The following IRAG1 variants were observed in gnomAD, a reference collection of about 807,000 sequenced individuals.
IRAG1 encodes the protein IP3R-associated cGMP kinase substrate.
In IRAG1, 62 loss-of-function variants were observed where a neutral mutation model predicts 106.2. The observed-to-expected ratio is 0.58, with a 90% confidence interval of 0.48 to 0.72. The LOEUF (loss-of-function observed/expected upper bound fraction) is 0.72. IRAG1 is among the 30% of genes least tolerant of loss of function. IRAG1 has a pLI of 0.00. For missense variants in IRAG1, 1,064 were observed against 1,140.7 expected (o/e 0.93, Z 0.97); for synonymous variants, 462 against 443.9 (o/e 1.04, Z -0.51).
chr11:10,690,040 G>A (rs776423262), intron 1 of IRAG1, among the ~76,000 whole-genome samples: 1 of 152,142 alleles, frequency 6.6e-6, no homozygotes, highest in Non-Finnish European at 1.5e-5. Flanking sequence ...AAAGTAACCA[G>A]AGCTGATTAA....
chr11:10,611,270 C>T (rs189146150), intron 10 of IRAG1, among the ~76,000 whole-genome samples: 179 of 152,246 alleles, frequency 1.2e-3, no homozygotes, highest in African/African-American at 4.1e-3. Flanking sequence ...CTACCTGTTA[C>T]CTCTCTGGTT....
At chr11:10,661,929 C>T (rs1194940344) in intron 1 of IRAG1, among the ~76,000 whole-genome samples, 1 of 152,134 alleles carries the variant, frequency 6.6e-6, no homozygotes, top group African/African-American at 2.4e-5. Flanking sequence ...GAACTCAACC[C>T]AACTAGAATT....
At chr11:10,688,348 C>T (rs1221863731) in intron 1 of IRAG1, among the ~76,000 whole-genome samples, 1 of 152,162 alleles carries the variant, frequency 6.6e-6, no homozygotes, top group Non-Finnish European at 1.5e-5. Context: ...ACACTGAGCC[C>T]ACCTCCTGAC....
intron 2 of IRAG1, among the ~76,000 whole-genome samples, chr11:10,639,831 A>C (rs764252688): frequency 6.6e-5 from 10 of 152,178 alleles, no homozygotes; most frequent in Admixed American, 1.3e-4. Context: ...TGGAGAAGAG[A>C]GGGGCACTGG....
intron 10 of IRAG1, among the ~76,000 whole-genome samples, chr11:10,620,190 T>C (rs1323108500): frequency 6.6e-6 from 1 of 152,096 alleles, no homozygotes; most frequent in Non-Finnish European, 1.5e-5. Context: ...AGAAAAAAAG[T>C]GGAAATATTA....
chr11:10,581,111 G>A (rs1312540370), intron 19 of IRAG1, among the ~76,000 whole-genome samples: 2 of 152,130 alleles, frequency 1.3e-5, no homozygotes, highest in African/African-American at 4.8e-5. Context: ...AGAAAGGCAC[G>A]CTTTCAAAGA....
chr11:10,594,790 G>A (rs1003845515), intron 15 of IRAG1, among the ~76,000 whole-genome samples: 1 of 152,162 alleles, frequency 6.6e-6, no homozygotes, highest in Non-Finnish European at 1.5e-5. Flanking sequence ...TATGTGCAGA[G>A]AAAGGTATTT....
intron 20 of IRAG1, among the ~76,000 whole-genome samples, chr11:10,579,164 C>A (rs533483720): frequency 6.6e-6 from 1 of 152,332 alleles, no homozygotes; most frequent in East Asian, 1.9e-4. Context: ...TTCTCCAGTT[C>A]TCCTAACGGC....
rs184252284 is a variant in IRAG1, at chr11:10,576,478, A to C, written c.2593T>G (p.Leu865Val). 7.4e-6 allele frequency: 12 copies of C among 1,614,054 alleles called. No individual in the cohort carries two copies. In the East Asian group the frequency reaches 2.7e-4, roughly 36 times the overall value. ...IWMMAAVMLV[L>V]TVVLGLYNSY... ...TTGTAGAGCCCCAGCACAACAGTCAAGACCAGCATCACTGCAGCCATCATC... is the reference window on the plus strand; with the variant it reads ...TTGTAGAGCCCCAGCACAACAGTCACGACCAGCATCACTGCAGCCATCATC... Residue 865 changes from leucine to valine, a missense_variant, in exon 21 of 21, where the codon TTG becomes GTG. Transcript: ENST00000423302.
In IRAG1 at chr11:10,628,204, C is replaced by T; in HGVS notation, c.653-179G>A. On this transcript the variant is annotated intron_variant, in intron 6 of 20. Transcript: ENST00000423302. This position sits in a 1 kb window ranked among gnomAD's most constrained non-coding sequence, Gnocchi z 4.1. ...GCCCTCACAGAATGTTCACAGAGAC[C>T]ACAGGAGGAAACTGAGGCACAGGGA... is the stretch of plus-strand genomic sequence containing the variant. 1 of 724,134 alleles carries T rather than the reference C, an allele frequency of 1.4e-6. No individual in the cohort carries two copies. 44.9% of individuals were successfully genotyped at this position (724,134 alleles called of 1,614,324 possible). A position where few individuals can be genotyped will look rare whatever the true frequency, so the allele number is the denominator to read the frequency against.
At chr11:10,621,021 CATT>C (rs1855798237) in intron 10 of IRAG1, among the ~76,000 whole-genome samples, 1 of 152,026 alleles carries the variant, frequency 6.6e-6, no homozygotes, top group Non-Finnish European at 1.5e-5. Flanking sequence ...CAACTGAAAA[CATT>C]ATAAATATGG....
At chr11:10,600,777 G>T in intron 15 of IRAG1, 141 bp downstream of exon 15, 1 of 1,102,546 alleles carries the variant, frequency 9.1e-7, no homozygotes, top group Non-Finnish European at 1.3e-6. Flanking sequence ...CTGCTGGGAG[G>T]CCCCTGTGGG....
intron 5 of IRAG1, among the ~76,000 whole-genome samples, chr11:10,629,159 C>T (rs1018994015): frequency 2.6e-5 from 4 of 152,110 alleles, no homozygotes; most frequent in Non-Finnish European, 5.9e-5. Flanking sequence ...TCTCGACTTC[C>T]CAGGGTGGCC....
intron 1 of IRAG1, among the ~76,000 whole-genome samples, chr11:10,675,949 G>T (rs1860620640): frequency 6.6e-6 from 1 of 152,186 alleles, no homozygotes; most frequent in African/African-American, 2.4e-5. Context: ...GTGAGGCAAG[G>T]AACAAGCCTC....
At chr11:10,633,074 T>TC (rs1477313106) in intron 3 of IRAG1, among the ~76,000 whole-genome samples, 18 of 134,012 alleles carry the variant, frequency 1.3e-4, no homozygotes, top group Admixed American at 6.7e-4. Flanking sequence ...TTTCTTTCTT[T>TC]CTTTTTTTTT....
At chr11:10,613,875 A>T (rs1591609831) in intron 10 of IRAG1, among the ~76,000 whole-genome samples, 1 of 152,266 alleles carries the variant, frequency 6.6e-6, no homozygotes, top group Non-Finnish European at 1.5e-5. Flanking sequence ...AGGCTAGCTA[A>T]TTCCTAGAAA....
At chr11:10,683,344 G>A (rs1393695163) in intron 1 of IRAG1, among the ~76,000 whole-genome samples, 1 of 148,668 alleles carries the variant, frequency 6.7e-6, no homozygotes, top group Non-Finnish European at 1.5e-5. Flanking sequence ...TGTGTATGCG[G>A]CTTAAAAGGT....
intron 13 of IRAG1, 149 bp from the exon 14 acceptor site, chr11:10,603,400 TC>T: frequency 1.2e-6 from 1 of 823,108 alleles, no homozygotes; most frequent in Non-Finnish European, 1.9e-6. Context: ...ATGAAACTCT[TC>T]CACCTCTGAT....
intron 1 of IRAG1, among the ~76,000 whole-genome samples, chr11:10,663,135 G>T (rs751878685): frequency 2.6e-5 from 4 of 152,166 alleles, no homozygotes; most frequent in African/African-American, 4.8e-5. Context: ...GGAACCAGAA[G>T]AGGCACCCTA....
Sources: allele counts gnomAD v4.1 joint callset (sites outside exome capture counted in the v4.1 genomes callset), GRCh38; gene constraint gnomAD v4.1.1; non-coding constraint Gnocchi (gnomAD v3.1); transcripts MANE v1.5; gene names NCBI Gene and HGNC (gene_info 2026-07-23, HGNC 2026-07-21).